Variants in TRPM7 observed in about 807,000 individuals in gnomAD.
The protein encoded by TRPM7 is LTRPC ion channel family member 7.
Under a neutral mutation model 229.7 loss-of-function variants are expected in TRPM7, and 134 were observed. That is an observed-to-expected ratio of 0.58 (90% CI 0.51 to 0.67). TRPM7 has a LOEUF of 0.67. Among genes scored for constraint, TRPM7 ranks in the 30% least tolerant of loss-of-function variants. The pLI is 0.00. For synonymous variants in TRPM7, 699 were observed against 715.2 expected (o/e 0.98, Z 0.36); for missense variants, 1,901 against 2,210.0 (o/e 0.86, Z 2.80).
intron 1 of TRPM7, among the ~76,000 whole-genome samples, chr15:50,680,534 A>G (rs1276653595): frequency 6.6e-6 from 1 of 151,648 alleles, no homozygotes; most frequent in Non-Finnish European, 1.5e-5. Context: ...GCACCACTGA[A>G]CTCTAGCCTA....
At chr15:50,593,049 G>C (rs796440463) in intron 25 of TRPM7, among the ~76,000 whole-genome samples, 8 of 152,256 alleles carry the variant, frequency 5.3e-5, no homozygotes, top group African/African-American at 1.9e-4. Context: ...CCAGAACTTT[G>C]GGAGGCTGAG....
At chr15:50,570,302 T>A in intron 36 of TRPM7, 147 bp from the exon 37 acceptor site, 1 of 599,486 alleles carries the variant, frequency 1.7e-6, no homozygotes, top group South Asian at 3.2e-5. Context: ...GTGTAGTTCT[T>A]CTCTTTTGAT....
At chr15:50,573,697 T>C (rs3109889) in intron 36 of TRPM7, among the ~76,000 whole-genome samples, 2,319 of 152,348 alleles carry the variant, frequency 0.015, 30 homozygotes, top group South Asian at 0.027. Context: ...AATACTAGAC[T>C]GCATATCTTA....
At position 50,574,395 on chromosome 15, in the gene TRPM7, T is replaced by C; in HGVS notation, c.5187A>G (p.Lys1729=). ...TCTCATCTCCATTATTATTGTTGTA[T>C]TTTCTAAATTCTCCAGTCATACATT... ...VEECMTGEFR[K]YNNNNGDEII... Residue 1729 remains lysine, a synonymous_variant, in exon 36 of 39, where the codon AAA becomes AAG. Transcript: ENST00000646667. 1 of 1,614,014 alleles carries C rather than the reference T, an allele frequency of 6.2e-7. No homozygotes were observed. Among genetic ancestry groups the C allele is most frequent in the Admixed American group, 1.7e-5 (1 of 60,028 alleles).
intron 29 of TRPM7, 74 bp downstream of exon 29, chr15:50,583,012 TCAC>T: frequency 9.0e-7 from 1 of 1,108,108 alleles, no homozygotes; most frequent in Non-Finnish European, 1.2e-6. Context: ...GTCCCAAATA[TCAC>T]CACTTTGTAG....
intron 3 of TRPM7, among the ~76,000 whole-genome samples, chr15:50,650,625 G>A (rs1339216501): frequency 6.6e-6 from 1 of 152,022 alleles, no homozygotes; most frequent in Non-Finnish European, 1.5e-5. Flanking sequence ...AACCTGGGAG[G>A]CAGAGGTTGT....
intron 16 of TRPM7, among the ~76,000 whole-genome samples, chr15:50,612,069 G>T (rs990661305): frequency 6.6e-6 from 1 of 152,078 alleles, no homozygotes; most frequent in South Asian, 2.1e-4. Flanking sequence ...GCTACTATTT[G>T]CAAAAATTAA....
intron 21 of TRPM7, chr15:50,604,602 C>A: frequency 1.8e-5 from 4 of 217,546 alleles, no homozygotes; most frequent in East Asian, 8.6e-5. Context: ...AAGCCTGGAT[C>A]AGTGAAGACA....
At chr15:50,589,246 C>T (rs546030165) in intron 27 of TRPM7, among the ~76,000 whole-genome samples, 11 of 140,014 alleles carry the variant, frequency 7.9e-5, no homozygotes, top group Admixed American at 1.7e-4. Flanking sequence ...CACTTGAACC[C>T]GGGAGGTGGA....
chr15:50,562,956 C>G (rs905250491), intron 38 of TRPM7, among the ~76,000 whole-genome samples: 9 of 152,020 alleles, frequency 5.9e-5, no homozygotes, highest in African/African-American at 2.2e-4. Context: ...GTGTTCTAGG[C>G]AGAGGGAGGG....
chr15:50,637,640 TATG>T, intron 6 of TRPM7, 47 bp from the exon 7 acceptor site: 2 of 1,473,900 alleles, frequency 1.4e-6, no homozygotes, highest in Non-Finnish European at 1.8e-6. Context: ...TTAAATACAG[TATG>T]ATGTAAAATA....
intron 1 of TRPM7, among the ~76,000 whole-genome samples, chr15:50,680,577 A>C (rs1022302312): frequency 1.1e-4 from 16 of 151,956 alleles, no homozygotes; most frequent in East Asian, 3.9e-4. Flanking sequence ...CTCAAAAAAA[A>C]AAAAACAAAA....
intron 13 of TRPM7, 25 bp downstream of exon 13, chr15:50,619,720 T>C: frequency 2.6e-6 from 4 of 1,547,666 alleles, no homozygotes; most frequent in Non-Finnish European, 3.5e-6. Flanking sequence ...ATAACATTTT[T>C]CAAAAGCAAA....
intron 11 of TRPM7, among the ~76,000 whole-genome samples, chr15:50,627,683 G>A (rs2060608108): frequency 6.6e-6 from 1 of 152,088 alleles, no homozygotes; most frequent in Admixed American, 6.5e-5. Flanking sequence ...AGACCAGGAT[G>A]ATAAAATTAG....
intron 3 of TRPM7, 95 bp downstream of exon 3, chr15:50,657,686 G>T: frequency 1.8e-6 from 2 of 1,102,404 alleles, no homozygotes; most frequent in Non-Finnish European, 2.7e-6. Context: ...ATAATAGCAT[G>T]TGAGTTTCAT....
chr15:50,631,606 T>A, intron 9 of TRPM7, 117 bp from the exon 10 acceptor site: 2 of 549,528 alleles, frequency 3.6e-6, no homozygotes, highest in Non-Finnish European at 6.6e-6. Context: ...TATCTAGGAA[T>A]CTATGTATTA....
At chr15:50,653,794 T>C (rs2061486909) in intron 3 of TRPM7, among the ~76,000 whole-genome samples, 1 of 152,182 alleles carries the variant, frequency 6.6e-6, no homozygotes, top group Non-Finnish European at 1.5e-5. Flanking sequence ...CCATGGGTCT[T>C]TGGCCATGGT....
chr15:50,594,736 A>C (rs1404939951), intron 23 of TRPM7, 123 bp from the exon 24 acceptor site: 1 of 651,462 alleles, frequency 1.5e-6, no homozygotes, highest in Non-Finnish European at 2.4e-6. Flanking sequence ...TTCTGTAAAC[A>C]AAACTAATAG....
chr15:50,570,093 A>G lies in TRPM7; in HGVS notation c.5360+11T>C. The G allele has an allele frequency of 6.2e-7, 1 of 1,609,312 alleles. No homozygotes were observed. On this transcript the variant is annotated intron_variant, in intron 37 of 38. Coordinates refer to ENST00000646667, the MANE Select transcript of TRPM7 (RefSeq NM_017672.6). ...AAATTATGCCTTAATGAAATAGTTA[A>G]AACTTATTACCTCTTTTCTTCTGCT...
Sources: gnomAD v4.1 joint callset for allele counts (sites outside exome capture counted in the v4.1 genomes callset) on GRCh38, gnomAD v4.1.1 for gene constraint, MANE v1.5 for transcripts, NCBI Gene and HGNC (gene_info 2026-07-23, HGNC 2026-07-21) for gene names.